Variants in LRRFIP1 observed in about 807,000 individuals in gnomAD.
LRRFIP1 encodes LRR binding FLII interacting protein 1.
LRRFIP1 carries 62 observed loss-of-function variants against 104.4 expected under a neutral mutation model. That is an observed-to-expected ratio of 0.59 (90% CI 0.48 to 0.73). LRRFIP1 has a LOEUF of 0.73. Ranked by LOEUF, LRRFIP1 falls within the 30% of genes least tolerant of loss-of-function variation. The pLI, the probability that LRRFIP1 is intolerant of heterozygous loss-of-function variation, is 0.00. For synonymous variants in LRRFIP1, 300 were observed against 299.0 expected (o/e 1.00, Z -0.03); for missense variants, 796 against 824.5 (o/e 0.97, Z 0.42).
At chr2:237,653,541 T>A (rs6754119) in intron 1 of LRRFIP1, among the ~76,000 whole-genome samples, 29,980 of 152,176 alleles carry the variant, frequency 0.2, 3,240 homozygotes, top group African/African-American at 0.25. Flanking sequence ...AAAAGACTCC[T>A]AATAGTCAAA....
intron 19 of LRRFIP1, among the ~76,000 whole-genome samples, chr2:237,761,865 C>CA (rs893917408): frequency 6.6e-6 from 1 of 152,064 alleles, no homozygotes; most frequent in African/African-American, 2.4e-5. Context: ...CCAAAAATTC[C>CA]AAAACAGTTT....
chr2:237,708,487 T>C, intron 1 of LRRFIP1, 57 bp from the exon 2 acceptor site: 4 of 1,319,684 alleles, frequency 3.0e-6, no homozygotes, highest in Non-Finnish European at 4.1e-6. Context: ...CTGCTGACCC[T>C]GTACTGGGAA....
In LRRFIP1 at chr2:237,700,355, T is replaced by C. The variant is rs77147178; in HGVS notation, c.97-8189T>C. ...CTGCTTGTCTGTGAACAAACTGGCC[T>C]TTGTGGCCACTTCAGGCTTCGGCTG... is the stretch of plus-strand genomic sequence containing the variant. On this transcript the variant is annotated intron_variant, in intron 1 of 23. Transcript: ENST00000308482. Among the ~76,000 whole-genome samples the C allele has an allele frequency of 2.3e-3, 348 of 152,280 alleles. 10 individuals carry two copies. In the East Asian group the frequency reaches 0.047, roughly 21 times the overall value.
At chr2:237,720,688 A>G (rs1190666018) in intron 5 of LRRFIP1, 84 bp from the exon 6 acceptor site, 21 of 1,273,378 alleles carry the variant, frequency 1.6e-5, no homozygotes, top group Non-Finnish European at 2.3e-5. Flanking sequence ...GTCAGTTCCC[A>G]GCATCCCCCT....
chr2:237,738,002 C>G (rs529744962), intron 10 of LRRFIP1, among the ~76,000 whole-genome samples: 16 of 152,308 alleles, frequency 1.1e-4, no homozygotes, highest in African/African-American at 2.9e-4. Context: ...TGAAATCATT[C>G]GTTCATTCAA....
chr2:237,737,573 ACT>A (rs2095290685), intron 10 of LRRFIP1, among the ~76,000 whole-genome samples: 1 of 152,220 alleles, frequency 6.6e-6, no homozygotes, highest in Non-Finnish European at 1.5e-5. Flanking sequence ...ACAACAGTTC[ACT>A]GTGTCTTTGC....
chr2:237,764,490 T>C lies in LRRFIP1; in HGVS notation c.1459+4285T>C, dbSNP rs2060137533. 4 of 1,133,704 alleles carry C rather than the reference T, an allele frequency of 3.5e-6. No individual in the cohort carries two copies. In the South Asian group the frequency reaches 1.3e-4, roughly 36 times the overall value. The allele number at this position is 1,133,704 out of a possible 1,614,324, so 70.2% of individuals were successfully genotyped here. A position where few individuals can be genotyped will look rare whatever the true frequency, so the allele number is the denominator to read the frequency against. On this transcript the variant is annotated intron_variant, in intron 19 of 23. Coordinates refer to ENST00000308482, the MANE Select transcript of LRRFIP1 (RefSeq NM_001137550.2). ...GAATGTGGGTTTTCTTGACCAAATA[T>C]ATCAGCATCTAATTGAAATGACCAA... is the stretch of plus-strand genomic sequence containing the variant.
intron 19 of LRRFIP1, chr2:237,764,894 A>G (rs2060157454): frequency 3.0e-6 from 3 of 985,652 alleles, no homozygotes; most frequent in Non-Finnish European, 3.6e-6. Flanking sequence ...AGAAAGATTT[A>G]AAGTTTTTTT....
At chr2:237,689,528 C>A (rs988488172) in intron 1 of LRRFIP1, among the ~76,000 whole-genome samples, 1 of 152,200 alleles carries the variant, frequency 6.6e-6, no homozygotes, top group Non-Finnish European at 1.5e-5. Context: ...CTCATCAGCT[C>A]GCTGCTTCTT....
chr2:237,671,678 T>C (rs2090359446), intron 1 of LRRFIP1, among the ~76,000 whole-genome samples: 1 of 151,804 alleles, frequency 6.6e-6, no homozygotes, highest in Non-Finnish European at 1.5e-5. Context: ...CGTGTCTGTG[T>C]CCCTTCAGGA....
intron 1 of LRRFIP1, among the ~76,000 whole-genome samples, chr2:237,700,262 A>T (rs1035580555): frequency 4.7e-4 from 72 of 152,242 alleles, no homozygotes; most frequent in African/African-American, 1.6e-3. Flanking sequence ...GCCTGGGTAC[A>T]CCACGGCCCC....
At chr2:237,647,697 CACCCCGTG>C (rs1261641365) in intron 1 of LRRFIP1, among the ~76,000 whole-genome samples, 2 of 116,174 alleles carry the variant, frequency 1.7e-5, no homozygotes, top group South Asian at 2.6e-4. Context: ...CACGCCCTGT[CACCCCGTG>C]GCCGGCCACT....
At chr2:237,734,204 A>G (rs1051238457) in intron 9 of LRRFIP1, among the ~76,000 whole-genome samples, 1 of 151,630 alleles carries the variant, frequency 6.6e-6, no homozygotes, top group Non-Finnish European at 1.5e-5. Flanking sequence ...AGTTTTAAAT[A>G]TAAGTACTTA....
Position 237,775,780 on chromosome 2 carries a change from T to G in LRRFIP1, c.1812+1318T>G, listed in dbSNP as rs182492108. ...TTGAGCCTGGGAGGTGAAAGCTGCT[T>G]TGACACATGAGCGTGCCACTGCACT... On this transcript the variant is annotated intron_variant, in intron 23 of 23. Transcript: ENST00000308482. 1.1e-3 allele frequency among the ~76,000 whole-genome samples: 160 copies of G among 152,110 alleles called. 1 individual carries two copies. The Middle Eastern group carries it at 0.017, about 16-fold the overall frequency.
chr2:237,660,371 A>G (rs2087659559), intron 1 of LRRFIP1, among the ~76,000 whole-genome samples: 1 of 152,184 alleles, frequency 6.6e-6, no homozygotes, highest in Admixed American at 6.5e-5. Flanking sequence ...TGCGTAGTGT[A>G]GATATGGGGA....
chr2:237,631,674 G>T (rs1170390633), intron 1 of LRRFIP1, among the ~76,000 whole-genome samples: 1 of 152,178 alleles, frequency 6.6e-6, no homozygotes, highest in Non-Finnish European at 1.5e-5. Flanking sequence ...GGTGCATTTT[G>T]GTAGCATCCC....
At position 237,662,370 on chromosome 2, in the gene LRRFIP1, T is replaced by A. The variant is rs576688589; in HGVS notation, c.96+34630T>A. Among the ~76,000 whole-genome samples, 5 of 152,280 alleles carry A rather than the reference T, an allele frequency of 3.3e-5. No homozygotes were observed. The South Asian group carries it at 1.0e-3, about 32-fold the overall frequency. On this transcript the variant is annotated intron_variant, in intron 1 of 23. Coordinates refer to ENST00000308482, the MANE Select transcript of LRRFIP1 (RefSeq NM_001137550.2). Reference sequence around the variant, plus strand: ...CCCATCCACGGGTTCTGGGTGGACATGAACTTTTGGGGGATGTTACTGAAC... The same window carrying A: ...CCCATCCACGGGTTCTGGGTGGACAAGAACTTTTGGGGGATGTTACTGAAC...
At chr2:237,655,520 C>T (rs1247672612) in intron 1 of LRRFIP1, among the ~76,000 whole-genome samples, 1 of 152,190 alleles carries the variant, frequency 6.6e-6, no homozygotes, top group Non-Finnish European at 1.5e-5. Context: ...TCTCAAATCT[C>T]ACATCGCTGA....
At chr2:237,650,464 A>G (rs182696975) in intron 1 of LRRFIP1, among the ~76,000 whole-genome samples, 1 of 148,960 alleles carries the variant, frequency 6.7e-6, no homozygotes, top group East Asian at 1.9e-4. Flanking sequence ...GGCCTGTGTT[A>G]AGAGGATTCC....
Sources: gnomAD v4.1 joint callset for allele counts (sites outside exome capture counted in the v4.1 genomes callset) on GRCh38, gnomAD v4.1.1 for gene constraint, MANE v1.5 for transcripts, NCBI Gene and HGNC (gene_info 2026-07-23, HGNC 2026-07-21) for gene names.